HERC2: variants seen among roughly 807,000 people sequenced by gnomAD.
The protein encoded by HERC2 is HECT and RLD domain containing E3 ubiquitin protein ligase 2.
A neutral mutation model predicts 537.7 loss-of-function variants in HERC2; 102 were observed. That is an observed-to-expected ratio of 0.19 (90% CI 0.16 to 0.22). The LOEUF (loss-of-function observed/expected upper bound fraction) is 0.22. HERC2 is among the 10% of genes least tolerant of loss of function. The pLI is 1.00. For synonymous variants in HERC2, 2,224 were observed against 2,466.2 expected (o/e 0.90, Z 2.91); for missense variants, 4,236 against 6,198.2 (o/e 0.68, Z 10.63).
intron 70 of HERC2, among the ~76,000 whole-genome samples, chr15:28,149,987 A>G (rs1177328519): frequency 6.6e-6 from 1 of 152,168 alleles, no homozygotes; most frequent in African/African-American, 2.4e-5. Context: ...AACATCACCG[A>G]GAACGGCCAC....
chr15:28,282,490 G>A (rs1428371899), intron 4 of HERC2, among the ~76,000 whole-genome samples: 2 of 152,016 alleles, frequency 1.3e-5, no homozygotes, highest in African/African-American at 4.8e-5. Context: ...ACAAAAAAAA[G>A]AAACCAAATA....
chr15:28,236,561 G>T (rs1183640745), intron 26 of HERC2, among the ~76,000 whole-genome samples: 1 of 151,722 alleles, frequency 6.6e-6, no homozygotes, highest in Admixed American at 6.6e-5. Context: ...AAAGTGCTGG[G>T]ATTACAGGCA....
At chr15:28,210,857 AGTTGGTG>A in intron 44 of HERC2, 138 bp downstream of exon 44, 1 of 728,486 alleles carries the variant, frequency 1.4e-6, no homozygotes. Flanking sequence ...TTTTATTCAC[AGTTGGTG>A]GTTGCTGGGC....
rs530755563 is a variant in HERC2 at position 28,265,005 on chromosome 15, T to G, written c.1870+613A>C. 6.6e-6 allele frequency among the ~76,000 whole-genome samples: 1 copy of G among 152,046 alleles called. No homozygotes were observed. The highest frequency in any genetic ancestry group is 1.5e-5 in the Non-Finnish European group (1 of 68,012). On this transcript the variant is annotated intron_variant, in intron 14 of 92. Transcript: ENST00000261609. This position sits in a 1 kb window ranked among gnomAD's most constrained non-coding sequence, Gnocchi z 4.0. ...AGTCACTCAATTACCAATCTGCCAT[T>G]CAACTTCTGCAGGAGAGAAAGCAAG...
intron 6 of HERC2, among the ~76,000 whole-genome samples, 190 bp downstream of exon 6, chr15:28,274,715 T>G (rs1304117308): frequency 1.3e-5 from 2 of 152,158 alleles, no homozygotes; most frequent in African/African-American, 4.8e-5. Flanking sequence ...TACACTCTCT[T>G]TTTTTTCTTT....
intron 36 of HERC2, among the ~76,000 whole-genome samples, chr15:28,221,802 T>C (rs1376774684): frequency 6.6e-6 from 1 of 151,434 alleles, no homozygotes; most frequent in African/African-American, 2.4e-5. Flanking sequence ...CCAGTGAGTT[T>C]CCTGAAAAGA....
rs192692925 is a variant in HERC2, at chr15:28,182,281, C to A, written c.8937+120G>T. ...CTTCTGAGGGGTAATTTGATAATGT[C>A]TTTTAGTTCGTGTAAAGAAACAATA... On this transcript the variant is annotated intron_variant, in intron 57 of 92. Coordinates refer to ENST00000261609, the MANE Select transcript of HERC2 (RefSeq NM_004667.6). 1.4e-4 allele frequency: 83 copies of A among 600,888 alleles called. No homozygotes were observed. In the African/African-American group the frequency reaches 1.4e-3, roughly 10 times the overall value. The allele number at this position is 600,888 out of a possible 1,614,324, so 37.2% of individuals were successfully genotyped here. A position where few individuals can be genotyped will look rare whatever the true frequency, so the allele number is the denominator to read the frequency against.
intron 3 of HERC2, among the ~76,000 whole-genome samples, chr15:28,297,384 A>G (rs772980070): frequency 9.9e-5 from 15 of 152,162 alleles, no homozygotes; most frequent in Non-Finnish European, 1.9e-4. Context: ...AGAAAAATGT[A>G]TTCAGTGTAT....
intron 30 of HERC2, among the ~76,000 whole-genome samples, chr15:28,231,199 A>G (rs2140617171): frequency 6.6e-6 from 1 of 152,302 alleles, no homozygotes; most frequent in Middle Eastern, 3.4e-3. Flanking sequence ...CAACATGATA[A>G]TACACCTGGG....
At chr15:28,143,698 A>G (rs551677459) in intron 74 of HERC2, among the ~76,000 whole-genome samples, 175 bp downstream of exon 74, 19 of 152,158 alleles carry the variant, frequency 1.2e-4, no homozygotes, top group African/African-American at 4.3e-4. Flanking sequence ...CGCCCACCTC[A>G]GCCTCCCAAA....
Position 28,233,314 on chromosome 15 carries a change from T to C in HERC2, c.4507A>G (p.Lys1503Glu). The change falls in exon 30 of 93, where the codon AAG becomes GAG. Residue 1503 changes from lysine (K) to glutamate (E), a missense_variant. Transcript: ENST00000261609. ...KTHQEQGRSY[K>E]EVCAPVIERL... ...TCGATGACAGGAGCGCAGACCTCCT[T>C]GTAAGAACGGCCCTGTTCTTGATGA... 6.6e-7 allele frequency: 1 copy of C among 1,512,908 alleles called. No individual in the cohort carries two copies. 93.7% of individuals were successfully genotyped at this position (1,512,908 alleles called of 1,614,324 possible).
chr15:28,238,735 C>T lies in HERC2; in HGVS notation c.3615G>A (p.Glu1205=), dbSNP rs202178731. 5 of 1,611,328 alleles carry T rather than the reference C, an allele frequency of 3.1e-6. No homozygotes were observed. The highest frequency in any genetic ancestry group is 3.3e-5 in the Admixed American group (2 of 59,982). ...FFTGQNCRNN[E]EVTLIRKADL... ...CAGCTTTGCGTATAAGTGTCACTTC[C>T]TCATTATTTCTACAGTTCTGACCTG... is the stretch of plus-strand genomic sequence containing the variant. The change falls in exon 24 of 93, where the codon GAG becomes GAA. Residue 1205 remains glutamate, a synonymous_variant. Transcript: ENST00000261609.
chr15:28,267,731 CTG>C (rs2075607824), intron 12 of HERC2, among the ~76,000 whole-genome samples: 1 of 152,186 alleles, frequency 6.6e-6, no homozygotes, highest in Non-Finnish European at 1.5e-5. Flanking sequence ...CAACTCCACC[CTG>C]TGGTGTGCAT....
Position 28,299,621 on chromosome 15 carries a change from C to G in HERC2, c.73-105G>C, listed in dbSNP as rs530366833. On this transcript the variant is annotated intron_variant, in intron 2 of 92. Coordinates refer to ENST00000261609, the MANE Select transcript of HERC2 (RefSeq NM_004667.6). ...TCTCAATCCCCCTTATGTATTCGAT[C>G]ATTTGGTAATAAAATCAATGATTTA... The G allele has an allele frequency of 2.2e-5, 14 of 632,198 alleles. No homozygotes were observed. In the African/African-American group the frequency reaches 2.6e-4, roughly 12 times the overall value. 39.2% of individuals were successfully genotyped at this position (632,198 alleles called of 1,614,324 possible).
At chr15:28,298,340 A>G (rs540125438) in intron 3 of HERC2, among the ~76,000 whole-genome samples, 109 of 147,714 alleles carry the variant, frequency 7.4e-4, no homozygotes, top group Non-Finnish European at 9.4e-4. Context: ...TTTTTAGTAG[A>G]GACGGGGTTT....
In HERC2 at chr15:28,176,102, G is replaced by A. The variant is rs996303762; in HGVS notation, c.9686+326C>T. Among the ~76,000 whole-genome samples, 1 of 152,144 alleles carries A rather than the reference G, an allele frequency of 6.6e-6. No individual in the cohort carries two copies. Among genetic ancestry groups the A allele is most frequent in the African/African-American group, 2.4e-5 (1 of 41,422 alleles). ...AAGAAACACATGTTAACTTTTTCAG[G>A]ATCAAAGGATTCAGAAGGCTATTTT... On this transcript the variant is annotated intron_variant, in intron 63 of 92. Transcript: ENST00000261609. This position sits in a 1 kb window ranked among gnomAD's most constrained non-coding sequence, Gnocchi z 5.0.
chr15:28,292,463 G>A (rs1567127395), intron 4 of HERC2, among the ~76,000 whole-genome samples: 1 of 152,036 alleles, frequency 6.6e-6, no homozygotes, highest in African/African-American at 2.4e-5. Flanking sequence ...TTAGTATACC[G>A]CTGCAAGAAT....
intron 36 of HERC2, 115 bp downstream of exon 36, chr15:28,221,911 TCA>T (rs1900559175): frequency 2.2e-6 from 2 of 904,506 alleles, no homozygotes; most frequent in Admixed American, 3.4e-5. Flanking sequence ...AACACCTGTG[TCA>T]TCAATCAACT....
intron 23 of HERC2, among the ~76,000 whole-genome samples, chr15:28,241,463 C>G (rs1226482067): frequency 6.6e-6 from 1 of 152,010 alleles, no homozygotes; most frequent in African/African-American, 2.4e-5. Context: ...GGCAACCCCT[C>G]AAAAAAATTA....
Sources: allele counts gnomAD v4.1 joint callset (sites outside exome capture counted in the v4.1 genomes callset), GRCh38; gene constraint gnomAD v4.1.1; non-coding constraint Gnocchi (gnomAD v3.1); transcripts MANE v1.5; gene names NCBI Gene and HGNC (gene_info 2026-07-23, HGNC 2026-07-21).